The following IL19 variants were observed in gnomAD, a reference collection of about 807,000 sequenced individuals.
IL19 encodes interleukin-19.
IL19 carries 15 observed loss-of-function variants against 19.5 expected under a neutral mutation model. The observed-to-expected ratio is 0.77, with a 90% confidence interval of 0.52 to 1.19. The LOEUF (loss-of-function observed/expected upper bound fraction) is 1.19, where lower values mean the gene tolerates loss of function less well. Ranked by LOEUF, IL19 falls within the 50% of genes most tolerant of loss-of-function variation. The pLI is 0.00. For missense variants in IL19, 199 were observed against 213.1 expected (o/e 0.93, Z 0.41); for synonymous variants, 78 against 78.3 (o/e 1.00, Z 0.02).
intron 1 of IL19, chr1:206,772,446 G>C: frequency 6.2e-7 from 1 of 1,613,774 alleles, no homozygotes; most frequent in Non-Finnish European, 8.5e-7. Context: ...GCCTTCTTTT[G>C]CAAGTCTGTC....
chr1:206,839,873 C>A lies in IL19; in HGVS notation c.234C>A (p.Thr78=), dbSNP rs763671503. The change falls in exon 5 of 7, where the codon ACC becomes ACA. Residue 78 remains threonine, a synonymous_variant. Transcript: ENST00000659997. ...AGCCCTTAGATGTGTGCTGCGTGAC[C>A]AAGAACCTCCTGGCGTTCTACGTGG... ...IIKPLDVCCV[T]KNLLAFYVDR... is the part of the protein sequence containing the mutation. 1.9e-6 allele frequency: 3 copies of A among 1,613,930 alleles called. No individual in the cohort carries two copies. The South Asian group carries it at 3.3e-5, about 18-fold the overall frequency.
At chr1:206,784,382 C>T (rs1675215796) in intron 1 of IL19, among the ~76,000 whole-genome samples, 1 of 152,186 alleles carries the variant, frequency 6.6e-6, no homozygotes. Context: ...TCCTTCCTTT[C>T]CAAATCCACC....
chr1:206,832,859 G>A (rs766783480), intron 2 of IL19, among the ~76,000 whole-genome samples: 12 of 152,154 alleles, frequency 7.9e-5, no homozygotes, highest in Non-Finnish European at 1.5e-4. Flanking sequence ...TGGACCACAA[G>A]ACATCAAGTC....
At chr1:206,813,942 T>C (rs773277122) in intron 2 of IL19, among the ~76,000 whole-genome samples, 1 of 152,216 alleles carries the variant, frequency 6.6e-6, no homozygotes, top group Admixed American at 6.5e-5. Flanking sequence ...AATTAGCTCT[T>C]GCGTGACAGT....
intron 2 of IL19, among the ~76,000 whole-genome samples, chr1:206,808,585 C>A (rs1382356530): frequency 1.3e-5 from 2 of 151,818 alleles, no homozygotes; most frequent in Non-Finnish European, 1.5e-5. Flanking sequence ...AGATCTGGCA[C>A]TGAGACAGAG....
chr1:206,800,216 T>C (rs191460577), intron 2 of IL19, among the ~76,000 whole-genome samples: 178 of 152,310 alleles, frequency 1.2e-3, no homozygotes, highest in Non-Finnish European at 2.0e-3. Flanking sequence ...CCATACCCCA[T>C]TGAGCTTCCA....
intron 2 of IL19, among the ~76,000 whole-genome samples, chr1:206,827,700 CAAAACAAAACAAAA>C (rs1173982357): frequency 0.039 from 1,337 of 34,202 alleles, 11 homozygotes; most frequent in African/African-American, 0.095. Flanking sequence ...AAAAACAAAA[CAAAACAAAACAAAA>C]AAAACAAAAA....
intron 1 of IL19, among the ~76,000 whole-genome samples, chr1:206,772,936 C>T (rs1474743830): frequency 6.6e-6 from 1 of 152,190 alleles, no homozygotes; most frequent in Non-Finnish European, 1.5e-5. Context: ...TCCTTGCTAA[C>T]TTAGGCAGTC....
chr1:206,786,108 A>G (rs1675264366), intron 1 of IL19, among the ~76,000 whole-genome samples: 2 of 152,188 alleles, frequency 1.3e-5, no homozygotes, highest in African/African-American at 4.8e-5. Flanking sequence ...GGAATCCAGA[A>G]TCCCATGTAC....
At chr1:206,801,184 A>C (rs542085713) in intron 2 of IL19, among the ~76,000 whole-genome samples, 12 of 151,308 alleles carry the variant, frequency 7.9e-5, no homozygotes, top group African/African-American at 2.7e-4. Flanking sequence ...AAAAAAAAAA[A>C]CCACAGATGT....
intron 1 of IL19, among the ~76,000 whole-genome samples, chr1:206,794,771 A>T (rs1331519024): frequency 6.6e-6 from 1 of 151,994 alleles, no homozygotes; most frequent in African/African-American, 2.4e-5. Flanking sequence ...CTGTTTGGGG[A>T]TTTCCCTGGA....
chr1:206,824,143 G>A (rs573656680), intron 2 of IL19, among the ~76,000 whole-genome samples: 1 of 152,216 alleles, frequency 6.6e-6, no homozygotes, highest in Admixed American at 6.5e-5. Flanking sequence ...CCCCTGGATG[G>A]AGGGCAACCC....
chr1:206,825,166 G>A (rs956623944), intron 2 of IL19, among the ~76,000 whole-genome samples: 5 of 152,204 alleles, frequency 3.3e-5, no homozygotes, highest in African/African-American at 1.2e-4. Context: ...TTTGTGGGGA[G>A]AGGGATTCCA....
At chr1:206,776,021 A>T (rs1015044591) in intron 1 of IL19, among the ~76,000 whole-genome samples, 1 of 152,124 alleles carries the variant, frequency 6.6e-6, no homozygotes, top group Non-Finnish European at 1.5e-5. Context: ...TTTTAAATGA[A>T]TTTTTCCAGT....
At chr1:206,816,533 G>C (rs72756973) in intron 2 of IL19, among the ~76,000 whole-genome samples, 1 of 151,950 alleles carries the variant, frequency 6.6e-6, no homozygotes, top group Non-Finnish European at 1.5e-5. Flanking sequence ...ATAAAACAAA[G>C]TTATATACAA....
chr1:206,786,343 G>T (rs539504179), intron 1 of IL19, among the ~76,000 whole-genome samples: 1 of 152,322 alleles, frequency 6.6e-6, no homozygotes, highest in South Asian at 2.1e-4. Context: ...AGCTATGACT[G>T]TTGATATCAC....
At chr1:206,826,520 A>G (rs1676437361) in intron 2 of IL19, among the ~76,000 whole-genome samples, 1 of 152,086 alleles carries the variant, frequency 6.6e-6, no homozygotes, top group African/African-American at 2.4e-5. Flanking sequence ...AGTATTTCAG[A>G]TGAGTCAGCT....
chr1:206,781,422 A>G (rs1675125343), intron 1 of IL19, among the ~76,000 whole-genome samples: 1 of 150,002 alleles, frequency 6.7e-6, no homozygotes, highest in Non-Finnish European at 1.5e-5. Flanking sequence ...CTCAAAAAAA[A>G]AAAAAAAAAA....
At chr1:206,840,037 CCT>C (rs1558624308) in intron 5 of IL19, 35 bp downstream of exon 5, 1 of 1,613,268 alleles carries the variant, frequency 6.2e-7, no homozygotes. Context: ...GCATCTGCTC[CCT>C]GTCTGCCCAA....
Sources: gnomAD v4.1 joint callset for allele counts (sites outside exome capture counted in the v4.1 genomes callset) on GRCh38, gnomAD v4.1.1 for gene constraint, MANE v1.5 for transcripts, NCBI Gene and HGNC (gene_info 2026-07-23, HGNC 2026-07-21) for gene names.